The following DNAH11 variants were observed in gnomAD, a reference collection of about 807,000 sequenced individuals.
The protein encoded by DNAH11 is dynein axonemal heavy chain 11.
In DNAH11, 442 loss-of-function variants were observed where a neutral mutation model predicts 526.0. That is an observed-to-expected ratio of 0.84 (90% confidence interval 0.78 to 0.91). DNAH11 has a LOEUF of 0.91. Ranked by LOEUF, DNAH11 falls within the 40% of genes least tolerant of loss-of-function variation. DNAH11 has a pLI of 0.00. For synonymous variants in DNAH11, 2,461 were observed against 1,935.9 expected (o/e 1.27, Z -7.12); for missense variants, 6,989 against 5,448.7 (o/e 1.28, Z -8.90).
At chr7:21,712,862 G>C (rs1050597958) in intron 42 of DNAH11, among the ~76,000 whole-genome samples, 5 of 152,168 alleles carry the variant, frequency 3.3e-5, no homozygotes, top group African/African-American at 7.2e-5. Context: ...CTTAGCACTG[G>C]AATGCCTTTG....
At chr7:21,619,756 T>A (rs1785949726) in intron 24 of DNAH11, among the ~76,000 whole-genome samples, 200 bp from the exon 25 acceptor site, 1 of 152,192 alleles carries the variant, frequency 6.6e-6, no homozygotes, top group African/African-American at 2.4e-5. Flanking sequence ...GATGTTAGTG[T>A]GATGCTCATA....
intron 3 of DNAH11, 151 bp from the exon 4 acceptor site, chr7:21,559,452 C>A: frequency 1.5e-6 from 1 of 657,798 alleles, no homozygotes; most frequent in African/African-American, 1.9e-5. Flanking sequence ...AACGTAACCC[C>A]ACAACTCAAA....
intron 28 of DNAH11, among the ~76,000 whole-genome samples, chr7:21,649,656 CTTT>C (rs576947483): frequency 7.1e-6 from 1 of 140,254 alleles, no homozygotes. Context: ...GTATCCTACT[CTTT>C]TTTTTTTTTT....
At chr7:21,859,734 AATTTAT>A (rs1219825901) in intron 68 of DNAH11, among the ~76,000 whole-genome samples, 6 of 152,050 alleles carry the variant, frequency 3.9e-5, no homozygotes, top group Non-Finnish European at 8.8e-5. Flanking sequence ...ATATTTTTCA[AATTTAT>A]ATTTATATAG....
chr7:21,838,863 T>C (rs1337409437), intron 65 of DNAH11, among the ~76,000 whole-genome samples: 4 of 152,052 alleles, frequency 2.6e-5, no homozygotes, highest in Non-Finnish European at 4.4e-5. Flanking sequence ...CCTAAGTAGC[T>C]GGGACTACAG....
At chr7:21,832,323 TC>T (rs374106137) in intron 65 of DNAH11, among the ~76,000 whole-genome samples, 3 of 152,228 alleles carry the variant, frequency 2.0e-5, no homozygotes, top group African/African-American at 7.2e-5. Flanking sequence ...CACCGGTTGT[TC>T]CTTTCCATGT....
At chr7:21,747,729 A>T (rs2128492360) in intron 51 of DNAH11, among the ~76,000 whole-genome samples, 1 of 152,328 alleles carries the variant, frequency 6.6e-6, no homozygotes, top group Non-Finnish European at 1.5e-5. Flanking sequence ...GTGTAGTTAC[A>T]AGGGAAGGCT....
intron 65 of DNAH11, among the ~76,000 whole-genome samples, chr7:21,826,004 A>G (rs1233123439): frequency 2.6e-5 from 4 of 151,772 alleles, no homozygotes; most frequent in Non-Finnish European, 4.4e-5. Flanking sequence ...TAGACATTAG[A>G]GACTCTGAAA....
intron 76 of DNAH11, among the ~76,000 whole-genome samples, chr7:21,886,571 G>A (rs916456870): frequency 6.6e-6 from 1 of 152,188 alleles, no homozygotes; most frequent in African/African-American, 2.4e-5. Flanking sequence ...AAGTTACCAT[G>A]GAGATGGGAA....
chr7:21,690,894 C>T lies in DNAH11; in HGVS notation c.6041+13C>T, dbSNP rs559227251. 30 of 1,594,024 alleles carry T rather than the reference C, an allele frequency of 1.9e-5. No individual in the cohort carries two copies. Among genetic ancestry groups the T allele is most frequent in the Non-Finnish European group, 2.5e-5 (29 of 1,164,216 alleles). ...AAGCTCTTTTCAGGCAAGTGTTATG[C>T]TTTGTGGCTTAGCATCTGGTGCACT... is the stretch of plus-strand genomic sequence containing the variant. On this transcript the variant is annotated intron_variant, in intron 35 of 81. Coordinates refer to ENST00000409508, the MANE Select transcript of DNAH11 (RefSeq NM_001277115.2).
chr7:21,831,603 C>T (rs572899448), intron 65 of DNAH11, among the ~76,000 whole-genome samples: 1 of 152,180 alleles, frequency 6.6e-6, no homozygotes, highest in South Asian at 2.1e-4. Context: ...ATCCTCCCCC[C>T]CTCTATTAAC....
intron 52 of DNAH11, 55 bp from the exon 53 acceptor site, chr7:21,749,621 CCT>C: frequency 6.2e-7 from 1 of 1,600,720 alleles, no homozygotes; most frequent in Non-Finnish European, 8.5e-7. Context: ...TCACACACAA[CCT>C]CTCAACGCCG....
At chr7:21,810,465 T>C (rs1197590825) in intron 63 of DNAH11, among the ~76,000 whole-genome samples, 1 of 152,216 alleles carries the variant, frequency 6.6e-6, no homozygotes, top group Non-Finnish European at 1.5e-5. Context: ...TGGTCTCCGT[T>C]ACTTTAGGGA....
At chr7:21,575,612 T>C (rs1220356094) in intron 8 of DNAH11, among the ~76,000 whole-genome samples, 2 of 152,194 alleles carry the variant, frequency 1.3e-5, no homozygotes, top group Non-Finnish European at 2.9e-5. Flanking sequence ...CAACCTTCCT[T>C]AGTAATTCTT....
intron 30 of DNAH11, among the ~76,000 whole-genome samples, chr7:21,668,171 A>G (rs1218395752): frequency 6.6e-6 from 1 of 152,160 alleles, no homozygotes; most frequent in Admixed American, 6.6e-5. Context: ...TTTACTTAAC[A>G]CTGGGAGCCA....
chr7:21,684,778 A>G (rs775020333), intron 32 of DNAH11, among the ~76,000 whole-genome samples: 5 of 152,276 alleles, frequency 3.3e-5, no homozygotes, highest in Non-Finnish European at 5.9e-5. Context: ...GTAAATACAT[A>G]CCTAGTCAGA....
chr7:21,798,849 TTTTTG>T (rs1788835450), intron 61 of DNAH11, among the ~76,000 whole-genome samples: 1 of 152,072 alleles, frequency 6.6e-6, no homozygotes, highest in Non-Finnish European at 1.5e-5. Context: ...TTTTTAATTA[TTTTTG>T]TTTTGTTAAT....
At chr7:21,792,476 G>C (rs1045050697) in intron 61 of DNAH11, among the ~76,000 whole-genome samples, 10 of 152,272 alleles carry the variant, frequency 6.6e-5, no homozygotes, top group Admixed American at 3.9e-4. Context: ...AGTAGAATTG[G>C]TATTATTCAA....
chr7:21,672,550 G>A (rs1158903307), intron 30 of DNAH11, among the ~76,000 whole-genome samples: 1 of 152,172 alleles, frequency 6.6e-6, no homozygotes, highest in Non-Finnish European at 1.5e-5. Context: ...GCCTCCAGAA[G>A]CACTGGGGTT....
Sources: gnomAD v4.1 joint callset for allele counts (sites outside exome capture counted in the v4.1 genomes callset) on GRCh38, gnomAD v4.1.1 for gene constraint, MANE v1.5 for transcripts, NCBI Gene and HGNC (gene_info 2026-07-23, HGNC 2026-07-21) for gene names.